Variants in RNF185 observed in about 807,000 individuals in gnomAD.
RNF185 encodes ring finger protein 185.
RNF185 carries 13 observed loss-of-function variants against 24.9 expected under a neutral mutation model. The observed-to-expected ratio is 0.52, with a 90% CI of 0.34 to 0.83. The LOEUF is 0.83. Ranked by LOEUF, RNF185 falls within the 40% of genes least tolerant of loss-of-function variation. The pLI, the probability that RNF185 is intolerant of heterozygous loss-of-function variation, is 0.01. For missense variants in RNF185, 184 were observed against 244.7 expected (o/e 0.75, Z 1.65); for synonymous variants, 79 against 90.3 (o/e 0.88, Z 0.71).
Position 31,206,395 on chromosome 22 carries a change from T to C in RNF185, c.*1809T>C, listed in dbSNP as rs1299882182. On this transcript the variant is annotated 3_prime_UTR_variant, in exon 7 of 7. Transcript: ENST00000326132. ...CAAGAGTGCTCTTTTTATCACCTTCTGGAAATCCGCAAAGTTGCAGGGGCC... is the reference window on the plus strand; with the variant it reads ...CAAGAGTGCTCTTTTTATCACCTTCCGGAAATCCGCAAAGTTGCAGGGGCC... The C allele has an allele frequency of 2.0e-5, 3 of 152,584 alleles. No homozygotes were observed. Among genetic ancestry groups the C allele is most frequent in the African/African-American group, 7.2e-5 (3 of 41,462 alleles). The allele number at this position is 152,584 out of a possible 1,614,324, so 9.5% of individuals were successfully genotyped here.
In RNF185 at chr22:31,187,204, T is replaced by G; in HGVS notation, c.110T>G (p.Phe37Cys). The G allele has an allele frequency of 1.9e-6, 3 of 1,614,086 alleles. 1 individual carries two copies. In the South Asian group the frequency reaches 3.3e-5, roughly 18 times the overall value. ...AGESGGQDSTFECNICLDTAK... is the reference protein window; with the variant it reads ...AGESGGQDSTCECNICLDTAK... ...GAGAGCGGAGGGCAGGACAGCACTT[T>G]CGAGTGCAACATCTGCTTGGACACA... The change falls in exon 2 of 7, where the codon TTC becomes TGC. Residue 37 changes from phenylalanine (F) to cysteine (C), a missense_variant. Transcript: ENST00000326132.
chr22:31,190,651 C>T (rs2048147404), intron 2 of RNF185, among the ~76,000 whole-genome samples: 1 of 149,774 alleles, frequency 6.7e-6, no homozygotes, highest in Admixed American at 6.7e-5. Flanking sequence ...CAGTAGCACT[C>T]CAGATTGAGT....
At chr22:31,170,906 C>G (rs927004570) in intron 1 of RNF185, among the ~76,000 whole-genome samples, 1 of 152,084 alleles carries the variant, frequency 6.6e-6, no homozygotes, top group Admixed American at 6.6e-5. Flanking sequence ...AAGCAATCCT[C>G]CTGCCTCAGC....
chr22:31,197,875 A>G (rs5997912), intron 5 of RNF185, among the ~76,000 whole-genome samples: 120,502 of 152,160 alleles, frequency 0.79, 48,661 homozygotes, highest in African/African-American at 0.95. Flanking sequence ...GAACCACTGT[A>G]CCTGGCTTAG....
chr22:31,184,016 G>GCC (rs1227721008), intron 1 of RNF185, among the ~76,000 whole-genome samples: 3 of 142,538 alleles, frequency 2.1e-5, no homozygotes, highest in African/African-American at 7.8e-5. Context: ...GGCGGGGGCT[G>GCC]CCCCCCCCCA....
chr22:31,167,058 G>A (rs940895558), intron 1 of RNF185, among the ~76,000 whole-genome samples: 4 of 152,182 alleles, frequency 2.6e-5, no homozygotes, highest in Admixed American at 6.5e-5. Flanking sequence ...TACTTGGTGT[G>A]TTCTTAGTGG....
At chr22:31,186,797 G>C (rs1568967680) in intron 1 of RNF185, among the ~76,000 whole-genome samples, 1 of 152,168 alleles carries the variant, frequency 6.6e-6, no homozygotes, top group Non-Finnish European at 1.5e-5. Context: ...GAACCATCTG[G>C]AGGCTGCTCT....
rs2048297618 is a variant in RNF185, at chr22:31,204,622, G to C, written c.*36G>C. On this transcript the variant is annotated 3_prime_UTR_variant, in exon 7 of 7. Transcript: ENST00000326132. ...CTGCCTACATCCGTGGCAGGGCTCT[G>C]GACTGGTGACGTGCCACCCCAACTC... 7.0e-7 allele frequency: 1 copy of C among 1,438,488 alleles called. No individual in the cohort carries two copies. The highest frequency in any genetic ancestry group is 9.8e-7 in the Non-Finnish European group (1 of 1,021,906). The allele number at this position is 1,438,488 out of a possible 1,614,324, so 89.1% of individuals were successfully genotyped here.
intron 1 of RNF185, among the ~76,000 whole-genome samples, chr22:31,180,459 G>T (rs1342797617): frequency 2.0e-5 from 3 of 150,326 alleles, no homozygotes; most frequent in Non-Finnish European, 3.0e-5. Context: ...ACTGAGACTT[G>T]TCTCAAAAAA....
intron 1 of RNF185, among the ~76,000 whole-genome samples, chr22:31,181,550 C>T (rs2048036718): frequency 6.6e-6 from 1 of 152,036 alleles, no homozygotes. Context: ...TCTCTACATG[C>T]ACACGTATGT....
At position 31,196,978 on chromosome 22, in the gene RNF185, G is replaced by C. The variant is rs754757015; in HGVS notation, c.351G>C (p.Pro117=). 6.2e-7 allele frequency: 1 copy of C among 1,613,452 alleles called. No homozygotes were observed. The highest frequency in any genetic ancestry group is 8.5e-7 in the Non-Finnish European group (1 of 1,179,652). Residue 117 remains proline, a synonymous_variant, in exon 5 of 7, where the codon CCG becomes CCC. Coordinates refer to ENST00000326132, the MANE Select transcript of RNF185 (RefSeq NM_152267.4). ...PPRPQGQRPE[P]ENRGGFQGFG... is the part of the protein sequence containing the mutation. ...GTCCTCAAGGACAGAGGCCAGAGCCGGAGAATAGAGGGGTGAGGAACATTC... is the reference window on the plus strand; with the variant it reads ...GTCCTCAAGGACAGAGGCCAGAGCCCGAGAATAGAGGGGTGAGGAACATTC...
At chr22:31,182,745 A>G (rs1374241251) in intron 1 of RNF185, among the ~76,000 whole-genome samples, 2 of 148,818 alleles carry the variant, frequency 1.3e-5, no homozygotes, top group Non-Finnish European at 1.5e-5. Context: ...TCGTATCTCA[A>G]TCTATAACCC....
intron 5 of RNF185, among the ~76,000 whole-genome samples, chr22:31,198,959 G>C (rs998993925): frequency 2.6e-5 from 4 of 150,982 alleles, no homozygotes; most frequent in Non-Finnish European, 5.9e-5. Flanking sequence ...AATTAGCCGG[G>C]TGTGGTGGCA....
intron 1 of RNF185, among the ~76,000 whole-genome samples, chr22:31,172,324 C>T (rs1282500322): frequency 6.6e-6 from 1 of 151,900 alleles, no homozygotes; most frequent in Non-Finnish European, 1.5e-5. Flanking sequence ...CCTGTCTCTA[C>T]TGAAAATACA....
intron 1 of RNF185, among the ~76,000 whole-genome samples, chr22:31,169,740 G>T (rs1410310939): frequency 6.6e-6 from 1 of 152,034 alleles, no homozygotes; most frequent in Non-Finnish European, 1.5e-5. Flanking sequence ...TAGAGATGGG[G>T]TTTTGCCATG....
At chr22:31,201,080 A>T (rs1424417648) in intron 5 of RNF185, among the ~76,000 whole-genome samples, 2 of 152,216 alleles carry the variant, frequency 1.3e-5, no homozygotes, top group Non-Finnish European at 2.9e-5. Context: ...TATTAAAGAT[A>T]ATGTGTAGCT....
chr22:31,200,940 G>T (rs1428864999), intron 5 of RNF185, among the ~76,000 whole-genome samples: 5 of 152,204 alleles, frequency 3.3e-5, no homozygotes, highest in Non-Finnish European at 7.3e-5. Context: ...AAACAATTTT[G>T]TCTGATAACT....
intron 6 of RNF185, among the ~76,000 whole-genome samples, chr22:31,202,335 G>A (rs934020507): frequency 6.6e-6 from 1 of 152,134 alleles, no homozygotes; most frequent in Non-Finnish European, 1.5e-5. Flanking sequence ...TGCCATGATC[G>A]GTTGAGCTCT....
At chr22:31,196,089 G>A (rs1464539589) in intron 4 of RNF185, among the ~76,000 whole-genome samples, 3 of 152,148 alleles carry the variant, frequency 2.0e-5, no homozygotes, top group African/African-American at 2.4e-5. Flanking sequence ...CTGTGTACCC[G>A]ACATATTAGA....
Sources: allele counts gnomAD v4.1 joint callset (sites outside exome capture counted in the v4.1 genomes callset), GRCh38; gene constraint gnomAD v4.1.1; transcripts MANE v1.5; gene names NCBI Gene and HGNC (gene_info 2026-07-23, HGNC 2026-07-21).